RAPGEF4: variants seen among roughly 807,000 people sequenced by gnomAD.
RAPGEF4 encodes Rap guanine nucleotide exchange factor 4, also known as RAP guanine-nucleotide-exchange factor (GEF) 4.
A neutral mutation model predicts 147.9 loss-of-function variants in RAPGEF4; 66 were observed. The ratio of observed to expected loss-of-function variants is 0.45; its 90% CI spans 0.37 to 0.55. The LOEUF is 0.55. Among genes scored for constraint, RAPGEF4 ranks in the 20% least tolerant of loss-of-function variants. The pLI, the probability that RAPGEF4 is intolerant of heterozygous loss-of-function variation, is 0.00. For synonymous variants in RAPGEF4, 419 were observed against 442.7 expected, an observed-to-expected ratio of 0.95 and a Z score of 0.67; for missense variants, 1,071 against 1,257.3, an observed-to-expected ratio of 0.85 and a Z score of 2.24.
rs140375092 is a variant in RAPGEF4 at position 172,748,149 on chromosome 2, T to C, written c.65+12101T>C. On this transcript the variant is annotated intron_variant, in intron 1 of 30. Transcript: ENST00000397081. ...TGCAATAAACAGAGAAATGCAGATA[T>C]CTCTTCAAGATACTCATTTCATTTC... 9.2e-5 allele frequency among the ~76,000 whole-genome samples: 14 copies of C among 152,342 alleles called. No homozygotes were observed. The East Asian group carries it at 1.9e-3, about 21-fold the overall frequency.
At chr2:173,011,848 G>T (rs559439125) in intron 17 of RAPGEF4, among the ~76,000 whole-genome samples, 2 of 115,490 alleles carry the variant, frequency 1.7e-5, no homozygotes, top group Admixed American at 8.5e-5. Context: ...AGCAGACTCC[G>T]TCTCAAAAAA....
chr2:172,965,285 C>A (rs1022294509), intron 8 of RAPGEF4: 4 of 407,878 alleles, frequency 9.8e-6, no homozygotes, highest in Non-Finnish European at 1.8e-5. Context: ...CAATCTCCCC[C>A]TCTAGCGGCC....
intron 21 of RAPGEF4, 67 bp from the exon 22 acceptor site, chr2:173,018,589 T>A: frequency 6.6e-7 from 1 of 1,513,470 alleles, no homozygotes; most frequent in Non-Finnish European, 8.9e-7. Flanking sequence ...CTAAACATTT[T>A]TCATAACTAT....
intron 16 of RAPGEF4, among the ~76,000 whole-genome samples, chr2:172,996,809 T>C (rs537073446): frequency 2.6e-5 from 4 of 152,306 alleles, no homozygotes; most frequent in Admixed American, 1.3e-4. Context: ...TCCCTAGGCA[T>C]CTCTCTCTTA....
chr2:173,028,523 T>G, intron 25 of RAPGEF4, among the ~76,000 whole-genome samples: 1 of 152,218 alleles, frequency 6.6e-6, no homozygotes, highest in African/African-American at 2.4e-5. Context: ...AGAGGCAACA[T>G]GGGAGAGCCT....
At chr2:172,783,408 A>C (rs1458450518) in intron 1 of RAPGEF4, among the ~76,000 whole-genome samples, 4 of 152,148 alleles carry the variant, frequency 2.6e-5, no homozygotes, top group Non-Finnish European at 5.9e-5. Flanking sequence ...TATGACTGCT[A>C]AACAAGGAGG....
At chr2:172,980,963 A>G (rs1691619140) in intron 10 of RAPGEF4, among the ~76,000 whole-genome samples, 1 of 152,192 alleles carries the variant, frequency 6.6e-6, no homozygotes, top group Non-Finnish European at 1.5e-5. Flanking sequence ...AGCATTTTTA[A>G]AAAAGAAATC....
chr2:173,032,023 G>A (rs1697237124), intron 26 of RAPGEF4, among the ~76,000 whole-genome samples: 1 of 152,084 alleles, frequency 6.6e-6, no homozygotes, highest in African/African-American at 2.4e-5. Flanking sequence ...GACACGTGTG[G>A]AACAGCCACG....
At chr2:172,795,004 G>T in intron 1 of RAPGEF4, 21 bp from the exon 2 acceptor site, 1 of 1,587,764 alleles carries the variant, frequency 6.3e-7, no homozygotes, top group South Asian at 1.2e-5. Flanking sequence ...CATAGCTTTT[G>T]TGCCTTTTCT....
chr2:172,969,349 T>C (rs750374), intron 10 of RAPGEF4, among the ~76,000 whole-genome samples: 65,152 of 152,132 alleles, frequency 0.43, 14,370 homozygotes, highest in South Asian at 0.61. Context: ...CAACTACTTA[T>C]GCAAGCAATC....
intron 4 of RAPGEF4, among the ~76,000 whole-genome samples, chr2:172,857,189 C>G (rs966705909): frequency 2.6e-5 from 4 of 152,168 alleles, no homozygotes; most frequent in Non-Finnish European, 5.9e-5. Flanking sequence ...CACACACACA[C>G]ACACACACAC....
chr2:172,790,830 T>C (rs1456211009), intron 1 of RAPGEF4, among the ~76,000 whole-genome samples: 1 of 152,206 alleles, frequency 6.6e-6, no homozygotes, highest in Non-Finnish European at 1.5e-5. Flanking sequence ...TTGAGAGACA[T>C]TCACAGGTAA....
chr2:173,032,264 C>T (rs558042985), intron 26 of RAPGEF4, among the ~76,000 whole-genome samples: 1 of 152,300 alleles, frequency 6.6e-6, no homozygotes, highest in Non-Finnish European at 1.5e-5. Context: ...GCTGGAAGCA[C>T]CTCTTACCAT....
intron 1 of RAPGEF4, among the ~76,000 whole-genome samples, chr2:172,779,138 G>A (rs949603554): frequency 1.2e-4 from 18 of 152,044 alleles, no homozygotes; most frequent in Non-Finnish European, 1.6e-4. Flanking sequence ...CATTGTTCTC[G>A]GTACTGGAGA....
At chr2:172,857,845 G>A (rs1003704504) in intron 4 of RAPGEF4, among the ~76,000 whole-genome samples, 2 of 117,876 alleles carry the variant, frequency 1.7e-5, no homozygotes, top group Non-Finnish European at 3.4e-5. Flanking sequence ...ACCTACGGCT[G>A]TACTCCAGCC....
intron 4 of RAPGEF4, among the ~76,000 whole-genome samples, chr2:172,880,934 A>G (rs1347036006): frequency 6.6e-6 from 1 of 152,228 alleles, no homozygotes; most frequent in African/African-American, 2.4e-5. Flanking sequence ...CTAGTTGGTC[A>G]AGTTTTTTGA....
chr2:173,016,466 G>T, intron 19 of RAPGEF4, 29 bp downstream of exon 19: 1 of 1,543,616 alleles, frequency 6.5e-7, no homozygotes, highest in Non-Finnish European at 9.0e-7. Flanking sequence ...GTGGGGGTGT[G>T]CTTTCATCAA....
chr2:173,006,576 A>T (rs961355215), intron 17 of RAPGEF4, among the ~76,000 whole-genome samples: 3 of 152,206 alleles, frequency 2.0e-5, no homozygotes, highest in African/African-American at 7.2e-5. Flanking sequence ...TCTGTGTTTC[A>T]TCCCTGTATA....
chr2:172,811,440 T>C (rs997563606), intron 3 of RAPGEF4, among the ~76,000 whole-genome samples: 45 of 152,260 alleles, frequency 3.0e-4, no homozygotes, highest in Non-Finnish European at 4.9e-4. Context: ...TAGGTGCTGA[T>C]TGCTTTCATC....
Sources: allele counts gnomAD v4.1 joint callset (sites outside exome capture counted in the v4.1 genomes callset), GRCh38; gene constraint gnomAD v4.1.1; transcripts MANE v1.5; gene names NCBI Gene and HGNC (gene_info 2026-07-23, HGNC 2026-07-21).